Variants in NAV3 observed in about 807,000 individuals in gnomAD.
NAV3 encodes pore membrane and/or filament interacting like protein 1.
Under a neutral mutation model 244.7 loss-of-function variants are expected in NAV3, and 87 were observed. That is an observed-to-expected ratio of 0.36 (90% CI 0.30 to 0.42). The LOEUF (loss-of-function observed/expected upper bound fraction) is 0.42. Ranked by LOEUF, NAV3 falls within the 20% of genes least tolerant of loss-of-function variation. NAV3 has a pLI of 1.00. For synonymous variants in NAV3, 1,126 were observed against 1,042.2 expected, an observed-to-expected ratio of 1.08 and a Z score of -1.55; for missense variants, 2,663 against 2,893.3, an observed-to-expected ratio of 0.92 and a Z score of 1.83.
intron 2 of NAV3, among the ~76,000 whole-genome samples, chr12:77,759,676 C>T (rs1869364508): frequency 6.6e-6 from 1 of 152,108 alleles, no homozygotes; most frequent in Non-Finnish European, 1.5e-5. Context: ...CAAATATTGA[C>T]CACCATGGTG....
At chr12:77,742,871 TA>T (rs545888358) in intron 2 of NAV3, among the ~76,000 whole-genome samples, 4 of 151,694 alleles carry the variant, frequency 2.6e-5, no homozygotes, top group East Asian at 1.9e-4. Flanking sequence ...CAATTGCAAA[TA>T]AAAAAAAGTA....
chr12:77,615,150 G>A (rs570309236), intron 2 of NAV3, among the ~76,000 whole-genome samples: 1 of 152,180 alleles, frequency 6.6e-6, no homozygotes, highest in African/African-American at 2.4e-5. Context: ...CTTCAACTTG[G>A]ATTTCTGAAG....
intron 24 of NAV3, among the ~76,000 whole-genome samples, chr12:78,171,649 G>T (rs1157756124): frequency 1.3e-5 from 2 of 151,408 alleles, no homozygotes; most frequent in African/African-American, 4.8e-5. Context: ...TTATCACATT[G>T]ACCATTGACA....
rs1873631155 is a variant in NAV3 at position 77,831,212 on chromosome 12, AGAGAGAAAGAG to A, written c.-249_-239del. 2.4e-5 allele frequency: 7 copies of A among 290,922 alleles called. No individual in the cohort carries two copies. The highest frequency in any genetic ancestry group is 1.1e-3 in the Middle Eastern group (1 of 942). The allele number at this position is 290,922 out of a possible 1,614,324, so 18.0% of individuals were successfully genotyped here. A position where few individuals can be genotyped will look rare whatever the true frequency, so the allele number is the denominator to read the frequency against. The stretch of plus-strand genomic sequence containing the variant: ...GAGAGAGACAGAGAGAGAGAGAGAG[AGAGAGAAAGAG>A]AGAGAGAGAGAGAATGAGAATGAAT... On this transcript the variant is annotated 5_prime_UTR_variant, in exon 1 of 40. Transcript: ENST00000397909.
chr12:77,669,825 T>G (rs1873883262), intron 2 of NAV3, among the ~76,000 whole-genome samples: 1 of 152,200 alleles, frequency 6.6e-6, no homozygotes, highest in South Asian at 2.1e-4. Flanking sequence ...AACAGTGGAC[T>G]TAAACTATAC....
chr12:77,990,755 G>A (rs188672614), intron 5 of NAV3, among the ~76,000 whole-genome samples: 2 of 152,162 alleles, frequency 1.3e-5, no homozygotes, highest in East Asian at 3.9e-4. Context: ...ATAAGCTTCT[G>A]TACATTACAA....
chr12:77,762,549 G>A (rs1869526381), intron 2 of NAV3, among the ~76,000 whole-genome samples: 1 of 152,068 alleles, frequency 6.6e-6, no homozygotes, highest in Non-Finnish European at 1.5e-5. Flanking sequence ...GTTGTAGTGA[G>A]CTGAGATTGT....
intron 2 of NAV3, among the ~76,000 whole-genome samples, chr12:77,760,279 G>T (rs967423800): frequency 1.3e-5 from 2 of 152,190 alleles, no homozygotes; most frequent in African/African-American, 4.8e-5. Context: ...TCAATTTTAT[G>T]CTGAGGCAAT....
chr12:78,088,264 T>A (rs544714023), intron 12 of NAV3, among the ~76,000 whole-genome samples: 2 of 150,396 alleles, frequency 1.3e-5, no homozygotes, highest in South Asian at 2.1e-4. Context: ...GAAAAATAAG[T>A]GTATAAATGA....
intron 2 of NAV3, among the ~76,000 whole-genome samples, chr12:77,770,913 G>A (rs2094914996): frequency 1.3e-5 from 2 of 152,054 alleles, no homozygotes; most frequent in Non-Finnish European, 2.9e-5. Flanking sequence ...ATTGACAAAT[G>A]GGATCTAATT....
At chr12:77,802,976 G>A (rs747526104) in intron 2 of NAV3, among the ~76,000 whole-genome samples, 1 of 152,036 alleles carries the variant, frequency 6.6e-6, no homozygotes, top group African/African-American at 2.4e-5. Flanking sequence ...CTTGCACCTA[G>A]TATTTTGAAG....
At chr12:77,961,691 T>A (rs1892028700) in intron 3 of NAV3, among the ~76,000 whole-genome samples, 2 of 147,612 alleles carry the variant, frequency 1.4e-5, no homozygotes, top group South Asian at 4.2e-4. Flanking sequence ...ATGTAATATA[T>A]GTTATATAAT....
intron 12 of NAV3, among the ~76,000 whole-genome samples, chr12:78,065,404 G>A (rs1467420394): frequency 6.6e-6 from 1 of 152,134 alleles, no homozygotes; most frequent in Non-Finnish European, 1.5e-5. Flanking sequence ...GTGCAAGCTA[G>A]GAACATTTGT....
At chr12:77,576,702 G>T (rs964236040) in intron 2 of NAV3, among the ~76,000 whole-genome samples, 15 of 151,958 alleles carry the variant, frequency 9.9e-5, no homozygotes, top group Admixed American at 6.6e-5. Flanking sequence ...GATTGTTTAT[G>T]TTGGAAACTA....
Position 77,699,497 on chromosome 12 carries a change from T to A in NAV3, c.72+127231T>A, listed in dbSNP as rs77110316. On this transcript the variant is annotated intron_variant, in intron 2 of 8. Transcript: ENST00000550042. Reference sequence around the variant, plus strand: ...CACAGCATGGTAGGGATGTCTTGTCTCTATGATATCTGGGGCCTAAGCTGA... The same window carrying A: ...CACAGCATGGTAGGGATGTCTTGTCACTATGATATCTGGGGCCTAAGCTGA... 3.9e-3 allele frequency among the ~76,000 whole-genome samples: 590 copies of A among 152,204 alleles called. 4 individuals are homozygous for A. Among genetic ancestry groups the A allele is most frequent in the Non-Finnish European group, 6.0e-3 (407 of 67,976 alleles).
chr12:77,998,364 T>G lies in NAV3; in HGVS notation c.768T>G (p.Ala256=). Residue 256 remains alanine (A), a synonymous_variant, in exon 7 of 40, where the codon GCT becomes GCG. Coordinates refer to ENST00000397909, the MANE Select transcript of NAV3 (RefSeq NM_001024383.2). The stretch of plus-strand genomic sequence containing the variant: ...TTCCAGGGCCCTCTAGGGTGCCTGC[T>G]GCAGGAAGCAGCAGCAAGGTCCAGG... ...TRLPGPSRVP[A]AGSSSKVQGA... The G allele has an allele frequency of 1.2e-6, 2 of 1,601,062 alleles. No individual in the cohort carries two copies. Among genetic ancestry groups the G allele is most frequent in the Non-Finnish European group, 1.7e-6 (2 of 1,174,120 alleles).
intron 2 of NAV3, among the ~76,000 whole-genome samples, chr12:77,625,661 C>T (rs189346691): frequency 4.0e-4 from 61 of 152,290 alleles, no homozygotes; most frequent in Non-Finnish European, 7.5e-4. Context: ...GCCTAAGCTA[C>T]TGAGAAACAA....
chr12:77,661,406 AT>A (rs1241114186), intron 2 of NAV3, among the ~76,000 whole-genome samples: 3 of 152,096 alleles, frequency 2.0e-5, no homozygotes, highest in African/African-American at 7.2e-5. Context: ...ATATTTTGCC[AT>A]TTTGAATTGA....
intron 22 of NAV3, among the ~76,000 whole-genome samples, chr12:78,157,394 GAA>G (rs36115195): frequency 6.5e-5 from 7 of 107,158 alleles, no homozygotes; most frequent in African/African-American, 1.7e-4. Flanking sequence ...TACAGAAAAT[GAA>G]AAAAAAAAAA....
Sources: gnomAD v4.1 joint callset for allele counts (sites outside exome capture counted in the v4.1 genomes callset) on GRCh38, gnomAD v4.1.1 for gene constraint, MANE v1.5 for transcripts, NCBI Gene and HGNC (gene_info 2026-07-23, HGNC 2026-07-21) for gene names.